The following CLSPN variants were observed in gnomAD, a reference collection of about 807,000 sequenced individuals.
CLSPN encodes claspin homolog.
CLSPN carries 85 observed loss-of-function variants against 156.3 expected under a neutral mutation model. The observed-to-expected ratio is 0.54, with a 90% CI of 0.46 to 0.65. The LOEUF (loss-of-function observed/expected upper bound fraction) is 0.65. Ranked by LOEUF, CLSPN falls within the 30% of genes least tolerant of loss-of-function variation. CLSPN has a pLI of 0.00. For synonymous variants in CLSPN, 534 were observed against 542.4 expected (o/e 0.98, Z 0.22); for missense variants, 1,407 against 1,554.9 (o/e 0.90, Z 1.60).
At position 35,761,200 on chromosome 1, in the gene CLSPN, A is replaced by T; in HGVS notation, c.900T>A (p.Ser300=). The stretch of plus-strand genomic sequence containing the variant: ...GCATATGATATGGAAGGTTCAGTGC[A>T]GACTCTATAAAATGGAATAAAACAA... ...HSETQRLIRE[S]ALNLPYHMPE... is the part of the protein sequence containing the mutation. Residue 300 remains serine (S), a synonymous_variant, in exon 7 of 25, where the codon TCT becomes TCA. Coordinates refer to ENST00000318121, the MANE Select transcript of CLSPN (RefSeq NM_022111.4). 2 of 1,592,886 alleles carry T rather than the reference A, an allele frequency of 1.3e-6. No homozygotes were observed. The highest frequency in any genetic ancestry group is 1.7e-5 in the Admixed American group (1 of 59,828).
At chr1:35,727,763 C>T (rs1323583415), downstream of CLSPN, among the ~76,000 whole-genome samples, 1 of 152,200 alleles carries the variant, frequency 6.6e-6, no homozygotes, top group Non-Finnish European at 1.5e-5. Context: ...TTAATCCTCA[C>T]AACTGTGAAG....
At chr1:35,762,323 A>C (rs1220847807) in intron 5 of CLSPN, 81 bp downstream of exon 5, 2 of 1,256,800 alleles carry the variant, frequency 1.6e-6, no homozygotes, top group Admixed American at 2.0e-5. Context: ...TGATAGACAA[A>C]ATAAAATATT....
rs1395371241 is a variant in CLSPN, at chr1:35,736,219, A to T, written c.*277T>A. 5 of 155,732 alleles carry T rather than the reference A, an allele frequency of 3.2e-5. No homozygotes were observed. The highest frequency in any genetic ancestry group is 6.2e-5 in the Non-Finnish European group (5 of 80,524). 9.6% of individuals were successfully genotyped at this position (155,732 alleles called of 1,614,324 possible). A position where few individuals can be genotyped will look rare whatever the true frequency, so the allele number is the denominator to read the frequency against. ...GGCAACAGAGTGAGACTCCCATCTTAAAAAAAAAAAAAAAAAGGAAACCTC... is the reference window on the plus strand; with the variant it reads ...GGCAACAGAGTGAGACTCCCATCTTTAAAAAAAAAAAAAAAAGGAAACCTC... On this transcript the variant is annotated 3_prime_UTR_variant, in exon 25 of 25. Coordinates refer to ENST00000318121, the MANE Select transcript of CLSPN (RefSeq NM_022111.4).
At chr1:35,747,173 T>C (rs916826860) in intron 14 of CLSPN, among the ~76,000 whole-genome samples, 181 bp from the exon 15 acceptor site, 24 of 151,894 alleles carry the variant, frequency 1.6e-4, no homozygotes, top group African/African-American at 5.8e-4. Context: ...ATACAAAAAA[T>C]TAGCCGGGCG....
chr1:35,749,796 G>A lies in CLSPN; in HGVS notation c.2044C>T (p.Leu682Phe). 6.2e-7 allele frequency: 1 copy of A among 1,613,814 alleles called. No homozygotes were observed. The highest frequency in any genetic ancestry group is 1.3e-5 in the African/African-American group (1 of 74,964). The change falls in exon 11 of 25, where the codon CTT becomes TTT. Residue 682 changes from leucine (L) to phenylalanine (F), a missense_variant. Leu to Phe is a conservative substitution (Grantham distance 22). This residue lies in a region of CLSPN where 1,096 missense variants were observed against 1,193.0 expected (regional missense o/e 0.92). Coordinates refer to ENST00000318121, the MANE Select transcript of CLSPN (RefSeq NM_022111.4). ...TTTGTTTCTATTTCTTCACTACTAA[G>A]AAGGAATTCTGCAGTCTTTACCAAT... ...EGNQETAEFL[L>F]SSEEIETKDE...
At chr1:35,766,719 C>T (rs1172509559) in intron 1 of CLSPN, among the ~76,000 whole-genome samples, 1 of 152,094 alleles carries the variant, frequency 6.6e-6, no homozygotes, top group Admixed American at 6.6e-5. Context: ...GGTGGGATTA[C>T]AGACGTGAGC....
chr1:35,724,894 C>A (rs1363417711), intron 24 of CLSPN, among the ~76,000 whole-genome samples: 1 of 152,152 alleles, frequency 6.6e-6, no homozygotes, highest in Non-Finnish European at 1.5e-5. Context: ...TAAAGTGCCT[C>A]TTTAGTCTAT....
chr1:35,735,504 T>C lies in CLSPN; in HGVS notation c.*992A>G. 1.3e-6 allele frequency: 1 copy of C among 753,742 alleles called. No individual in the cohort carries two copies. Among genetic ancestry groups the C allele is most frequent in the Non-Finnish European group, 1.6e-6 (1 of 618,876 alleles). 46.7% of individuals were successfully genotyped at this position (753,742 alleles called of 1,614,324 possible). A position where few individuals can be genotyped will look rare whatever the true frequency, so the allele number is the denominator to read the frequency against. On this transcript the variant is annotated 3_prime_UTR_variant, in exon 25 of 25. Coordinates refer to ENST00000318121, the MANE Select transcript of CLSPN (RefSeq NM_022111.4). ...AGCTGGATCACTTGAGGTCAGGAGATCGAGACCAGCCTGGCCAACATGGTG... is the reference window on the plus strand; with the variant it reads ...AGCTGGATCACTTGAGGTCAGGAGACCGAGACCAGCCTGGCCAACATGGTG...
rs542413181 is a variant in CLSPN, at chr1:35,734,282, A to G, written c.*2214T>C. The stretch of plus-strand genomic sequence containing the variant: ...TCAAGGCATTAAGATTTATTGAAAA[A>G]CTACATACATATTAAAACATCTTTA... On this transcript the variant is annotated 3_prime_UTR_variant, in exon 25 of 25. Coordinates refer to ENST00000318121, the MANE Select transcript of CLSPN (RefSeq NM_022111.4). 2 of 985,376 alleles carry G rather than the reference A, an allele frequency of 2.0e-6. No individual in the cohort carries two copies. The highest frequency in any genetic ancestry group is 1.1e-4 in the East Asian group (1 of 8,808). The allele number at this position is 985,376 out of a possible 1,614,324, so 61.0% of individuals were successfully genotyped here.
chr1:35,759,226 T>A (rs1189588871), intron 8 of CLSPN, among the ~76,000 whole-genome samples: 1 of 151,988 alleles, frequency 6.6e-6, no homozygotes, highest in Non-Finnish European at 1.5e-5. Flanking sequence ...AGGGATAGAG[T>A]AGGGAACAAG....
At chr1:35,759,681 A>G (rs1642405342) in intron 8 of CLSPN, among the ~76,000 whole-genome samples, 1 of 152,196 alleles carries the variant, frequency 6.6e-6, no homozygotes, top group African/African-American at 2.4e-5. Flanking sequence ...GCAGTAAAAA[A>G]CTAAATGATG....
At chr1:35,739,092 C>T (rs954667767) in intron 20 of CLSPN, 44 bp downstream of exon 20, 1 of 1,612,000 alleles carries the variant, frequency 6.2e-7, no homozygotes, top group Non-Finnish European at 8.5e-7. Context: ...AGCCACCATG[C>T]TCAGCCCGTA....
At chr1:35,748,910 C>A in intron 12 of CLSPN, 1 of 370,950 alleles carries the variant, frequency 2.7e-6, no homozygotes, top group Non-Finnish European at 5.1e-6. Context: ...ACTGCAACCT[C>A]CGCCTCCCAG....
chr1:35,755,820 T>C lies in CLSPN; in HGVS notation c.1580-1884A>G, dbSNP rs369220841. ...ACCTCCTGGGTTTAAGCATTCCTCC[T>C]ACCTCACCCTCCCAAGTAGCTAGGA... On this transcript the variant is annotated intron_variant, in intron 8 of 24. Transcript: ENST00000318121. Among the ~76,000 whole-genome samples the C allele has an allele frequency of 3.7e-4, 56 of 152,258 alleles. No individual in the cohort carries two copies. The South Asian group carries it at 6.0e-3, about 16-fold the overall frequency.
chr1:35,743,638 TTC>T, intron 16 of CLSPN, 108 bp from the exon 17 acceptor site: 1 of 785,952 alleles, frequency 1.3e-6, no homozygotes, highest in Non-Finnish European at 2.1e-6. Context: ...TTTTTTTTTT[TTC>T]TCTGAGACAG....
rs534295675 is a variant in CLSPN at position 35,734,594 on chromosome 1, C to T, written c.*1902G>A. 15 of 359,980 alleles carry T rather than the reference C, an allele frequency of 4.2e-5. No homozygotes were observed. In the East Asian group the frequency reaches 2.2e-3, roughly 53 times the overall value. The allele number at this position is 359,980 out of a possible 1,614,324, so 22.3% of individuals were successfully genotyped here. A position where few individuals can be genotyped will look rare whatever the true frequency, so the allele number is the denominator to read the frequency against. On this transcript the variant is annotated 3_prime_UTR_variant, in exon 25 of 25. Coordinates refer to ENST00000318121, the MANE Select transcript of CLSPN (RefSeq NM_022111.4). ...TATTTGGGAGGCCGAGGCAGAATTG[C>T]TTGAACCTAGGAGGCGGAGGTTGCA...
chr1:35,739,740 T>G (rs1434100041), intron 18 of CLSPN, among the ~76,000 whole-genome samples: 2 of 152,254 alleles, frequency 1.3e-5, no homozygotes, highest in Non-Finnish European at 2.9e-5. Flanking sequence ...ACGCACTTAG[T>G]ATGCTTCTCG....
chr1:35,731,025 C>A (rs542363586), downstream of CLSPN, among the ~76,000 whole-genome samples: 46 of 151,978 alleles, frequency 3.0e-4, no homozygotes, highest in African/African-American at 1.0e-3. Flanking sequence ...CATAGTGAAA[C>A]CCCGTCTCTA....
chr1:35,760,974 T>A, intron 7 of CLSPN, 58 bp from the exon 8 acceptor site: 1 of 1,442,676 alleles, frequency 6.9e-7, no homozygotes, highest in Non-Finnish European at 9.6e-7. Context: ...AACATTCTCA[T>A]CCCTTAGTAT....
Sources: gnomAD v4.1 joint callset for allele counts (sites outside exome capture counted in the v4.1 genomes callset) on GRCh38, gnomAD v4.1.1 for gene constraint, gnomAD v4.1.1 regional missense constraint, MANE v1.5 for transcripts, NCBI Gene and HGNC (gene_info 2026-07-23, HGNC 2026-07-21) for gene names.